Variants in PDCD6IP observed in about 807,000 individuals in gnomAD.
PDCD6IP encodes the protein programmed cell death 6 interacting protein, also known as programmed cell death 6-interacting protein.
PDCD6IP carries 43 observed loss-of-function variants against 103.7 expected under a neutral mutation model. That is an observed-to-expected ratio of 0.41 (90% CI 0.32 to 0.53). The LOEUF is 0.53. PDCD6IP is among the 20% of genes least tolerant of loss of function. The pLI is 0.16. For missense variants in PDCD6IP, 871 were observed against 1,036.7 expected (o/e 0.84, Z 2.20); for synonymous variants, 354 against 378.7 (o/e 0.93, Z 0.76).
intron 7 of PDCD6IP, among the ~76,000 whole-genome samples, chr3:33,833,938 T>TG (rs1290542346): frequency 1.4e-5 from 2 of 145,576 alleles, no homozygotes; most frequent in Non-Finnish European, 3.1e-5. Flanking sequence ...AAGCCTACCC[T>TG]GGATTAGGAA....
intron 1 of PDCD6IP, among the ~76,000 whole-genome samples, chr3:33,808,762 T>G (rs923134948): frequency 1.3e-5 from 2 of 152,174 alleles, no homozygotes; most frequent in Non-Finnish European, 2.9e-5. Context: ...TATTGCTGTT[T>G]TGTCCAAACC....
chr3:33,847,243 G>C (rs1054734495), intron 12 of PDCD6IP, among the ~76,000 whole-genome samples: 3 of 152,138 alleles, frequency 2.0e-5, no homozygotes, highest in African/African-American at 7.2e-5. Context: ...GCTTTCAGTA[G>C]AAAAGCAAAA....
At position 33,865,449 on chromosome 3, in the gene PDCD6IP, G is replaced by A. The variant is rs1698044224; in HGVS notation, c.2432+19G>A. On this transcript the variant is annotated intron_variant, in intron 17 of 17. Transcript: ENST00000307296. The stretch of plus-strand genomic sequence containing the variant: ...ATCCTGGGTAAGGCTGCAACATTGT[G>A]TATCCCAAGTTGGCTAATGTTGTTT... The A allele has an allele frequency of 1.3e-6, 2 of 1,561,592 alleles. No homozygotes were observed. The highest frequency in any genetic ancestry group is 2.0e-5 in the Admixed American group (1 of 49,694).
At chr3:33,835,271 GAGTT>G (rs1208592001) in intron 7 of PDCD6IP, 5 of 456,584 alleles carry the variant, frequency 1.1e-5, no homozygotes, top group African/African-American at 2.0e-5. Context: ...CTTTCACTGA[GAGTT>G]AGGCCGTTTG....
chr3:33,836,613 T>C (rs1697354688), intron 8 of PDCD6IP, among the ~76,000 whole-genome samples: 1 of 151,662 alleles, frequency 6.6e-6, no homozygotes, highest in Middle Eastern at 3.4e-3. Flanking sequence ...CCTAGCACTT[T>C]GGGAGGCTGA....
chr3:33,852,532 A>G lies in PDCD6IP; in HGVS notation c.1686A>G (p.Val562=), dbSNP rs766070164. 2.4e-5 allele frequency: 37 copies of G among 1,548,752 alleles called. No homozygotes were observed. The highest frequency in any genetic ancestry group is 2.9e-5 in the Non-Finnish European group (34 of 1,155,530). Residue 562 remains valine (V), a synonymous_variant, in exon 13 of 18, where the codon GTA becomes GTG. Coordinates refer to ENST00000307296, the MANE Select transcript of PDCD6IP (RefSeq NM_013374.6). ...LKSLLSNLDE[V]KKEREGLEND... ...CCTTATTGTCAAATCTTGATGAAGT[A>G]AAGAAGGAAAGAGAGGGTCTGGAGA... is the stretch of plus-strand genomic sequence containing the variant.
rs915038348 is a variant in PDCD6IP at position 33,867,252 on chromosome 3, A to G, written c.*727A>G. 1.3e-5 allele frequency: 2 copies of G among 152,226 alleles called. No homozygotes were observed. Among genetic ancestry groups the G allele is most frequent in the Non-Finnish European group, 2.9e-5 (2 of 68,032 alleles). The allele number at this position is 152,226 out of a possible 1,614,324, so 9.4% of individuals were successfully genotyped here. On this transcript the variant is annotated 3_prime_UTR_variant, in exon 18 of 18. Coordinates refer to ENST00000307296, the MANE Select transcript of PDCD6IP (RefSeq NM_013374.6). ...AAAGTCCTATAATGTGGAAGAAACA[A>G]ACAGTTGCTACCAAAGATTCTTCAA...
Position 33,828,850 on chromosome 3 carries a change from C to T in PDCD6IP, c.718-3C>T, listed in dbSNP as rs776091688. ...CTCCCCTGGTCAGTATTTTTATTTC[C>T]AGGAGGTGTTCCCTGTCTTGGCTGC... On this transcript the variant is annotated splice_polypyrimidine_tract_variant and splice_region_variant and intron_variant, in intron 6 of 17. Coordinates refer to ENST00000307296, the MANE Select transcript of PDCD6IP (RefSeq NM_013374.6). The T allele has an allele frequency of 1.2e-6, 2 of 1,612,542 alleles. No homozygotes were observed. Among genetic ancestry groups the T allele is most frequent in the Non-Finnish European group, 1.7e-6 (2 of 1,178,990 alleles).
intron 9 of PDCD6IP, among the ~76,000 whole-genome samples, chr3:33,840,143 C>T (rs138075586): frequency 1.6e-4 from 20 of 126,172 alleles, no homozygotes; most frequent in Non-Finnish European, 2.4e-4. Flanking sequence ...GAAGCCTTAC[C>T]GATAAACAGT....
chr3:33,825,247 C>T lies in PDCD6IP; in HGVS notation c.523C>T (p.Pro175Ser). Residue 175 changes from proline to serine, a missense_variant, in exon 5 of 18, where the codon CCG becomes TCG. By Grantham distance (74) the Pro-to-Ser change is moderately conservative (BLOSUM62 -1). Around this residue, in one of 5 missense-constraint regions of PDCD6IP, gnomAD observed 242 missense variants for 250.7 expected, o/e 0.97. Transcript: ENST00000307296. The part of the protein sequence containing the change: ...ETVLSALSRE[P>S]TVDISPDTVG... ...GGTTTTATCTGCCTTAAGTCGAGAG[C>T]CGACCGTGGACATATCTCCAGATAC... 1 of 1,613,356 alleles carries T rather than the reference C, an allele frequency of 6.2e-7. No individual in the cohort carries two copies. Among genetic ancestry groups the T allele is most frequent in the South Asian group, 1.1e-5 (1 of 91,006 alleles).
At chr3:33,866,149 G>A (rs1397343008) in intron 17 of PDCD6IP, among the ~76,000 whole-genome samples, 2 of 151,616 alleles carry the variant, frequency 1.3e-5, no homozygotes, top group African/African-American at 4.8e-5. Flanking sequence ...TAAACACTTG[G>A]TACTCTTTTG....
At chr3:33,800,119 CAAAAAAAA>C (rs1173163869) in intron 1 of PDCD6IP, among the ~76,000 whole-genome samples, 1,708 of 50,822 alleles carry the variant, frequency 0.034, 23 homozygotes, top group South Asian at 0.069. Context: ...GACTCCATCT[CAAAAAAAA>C]AAAAAAAAAA....
Position 33,836,036 on chromosome 3 carries a change from CTTTTTA to C in PDCD6IP, c.835-7_835-2del. Reference sequence around the variant, plus strand: ...TTTTTTTTTTGTTGTTGACGTTTTTCTTTTTAGCATGCAGCAGAACTGATTAAAACA... The same window carrying C: ...TTTTTTTTTTGTTGTTGACGTTTTTCGCATGCAGCAGAACTGATTAAAACA... On this transcript the variant is annotated splice_acceptor_variant and splice_polypyrimidine_tract_variant and intron_variant, in intron 7 of 17. Transcript: ENST00000307296. LOFTEE classifies it high-confidence loss of function. 1 of 1,330,254 alleles carries C rather than the reference CTTTTTA, an allele frequency of 7.5e-7. No homozygotes were observed. Among genetic ancestry groups the C allele is most frequent in the African/African-American group, 1.5e-5 (1 of 66,518 alleles). The allele number at this position is 1,330,254 out of a possible 1,614,324, so 82.4% of individuals were successfully genotyped here.
chr3:33,852,181 C>A (rs1363180863), intron 12 of PDCD6IP, among the ~76,000 whole-genome samples: 1 of 152,126 alleles, frequency 6.6e-6, no homozygotes. Flanking sequence ...AATATATATA[C>A]CCCATGGGGT....
chr3:33,830,791 T>C (rs975486965), intron 7 of PDCD6IP, among the ~76,000 whole-genome samples: 1 of 152,186 alleles, frequency 6.6e-6, no homozygotes, highest in Non-Finnish European at 1.5e-5. Context: ...GAAATATTTT[T>C]TAATTGATTT....
At chr3:33,846,691 G>C (rs1697600017) in intron 12 of PDCD6IP, among the ~76,000 whole-genome samples, 3 of 152,204 alleles carry the variant, frequency 2.0e-5, no homozygotes, top group Admixed American at 2.0e-4. Context: ...TGTCTAGAGA[G>C]TTATCCGAGG....
intron 9 of PDCD6IP, 64 bp from the exon 10 acceptor site, chr3:33,841,833 T>G: frequency 9.7e-7 from 1 of 1,034,716 alleles, no homozygotes; most frequent in Non-Finnish European, 1.4e-6. Flanking sequence ...TTAAATAAAG[T>G]AAGTATTGAT....
intron 12 of PDCD6IP, among the ~76,000 whole-genome samples, chr3:33,848,303 C>T (rs755554785): frequency 3.2e-4 from 49 of 152,120 alleles, no homozygotes; most frequent in Admixed American, 1.5e-3. Flanking sequence ...TATCAAGTTT[C>T]TGCGTTCGTT....
intron 1 of PDCD6IP, among the ~76,000 whole-genome samples, chr3:33,810,398 C>T (rs1696690027): frequency 6.6e-6 from 1 of 152,110 alleles, no homozygotes; most frequent in Non-Finnish European, 1.5e-5. Flanking sequence ...TTGAGTACTT[C>T]CTTAACTTTC....
Sources: gnomAD v4.1 joint callset for allele counts (sites outside exome capture counted in the v4.1 genomes callset) on GRCh38, gnomAD v4.1.1 for gene constraint, gnomAD v4.1.1 regional missense constraint, MANE v1.5 for transcripts, NCBI Gene and HGNC (gene_info 2026-07-23, HGNC 2026-07-21) for gene names.